PIP5K1B: variants seen among roughly 807,000 people sequenced by gnomAD.
The protein encoded by PIP5K1B is phosphatidylinositol 4-phosphate 5-kinase type-1 beta.
A neutral mutation model predicts 67.0 loss-of-function variants in PIP5K1B; 42 were observed. The ratio of observed to expected loss-of-function variants is 0.63; its 90% CI spans 0.49 to 0.81. PIP5K1B has a LOEUF of 0.81. Ranked by LOEUF, PIP5K1B falls within the 30% of genes least tolerant of loss-of-function variation. The pLI, the probability that PIP5K1B is intolerant of heterozygous loss-of-function variation, is 0.00. For missense variants in PIP5K1B, 459 were observed against 646.3 expected (o/e 0.71, Z 3.14); for synonymous variants, 214 against 231.4 (o/e 0.92, Z 0.68).
intron 14 of PIP5K1B, among the ~76,000 whole-genome samples, chr9:68,964,673 G>C (rs1828928482): frequency 6.6e-6 from 1 of 152,232 alleles, no homozygotes; most frequent in Non-Finnish European, 1.5e-5. Context: ...GTTTAATAAT[G>C]TGGTTAAAGA....
At chr9:68,745,597 C>T (rs1829255532) in intron 2 of PIP5K1B, among the ~76,000 whole-genome samples, 1 of 152,178 alleles carries the variant, frequency 6.6e-6, no homozygotes. Context: ...ATGTCCACTT[C>T]ACTCCAGCCT....
At chr9:68,795,843 C>T (rs1278624131) in intron 2 of PIP5K1B, among the ~76,000 whole-genome samples, 2 of 152,052 alleles carry the variant, frequency 1.3e-5, no homozygotes, top group African/African-American at 2.4e-5. Context: ...GTCAATCAAC[C>T]TTGTTCTATA....
chr9:68,819,983 A>T (rs542214862), intron 3 of PIP5K1B, among the ~76,000 whole-genome samples: 1 of 152,324 alleles, frequency 6.6e-6, no homozygotes, highest in South Asian at 2.1e-4. Flanking sequence ...GTCAGGGATG[A>T]TTCACAAAGT....
chr9:68,926,888 C>T (rs933327803), intron 12 of PIP5K1B, among the ~76,000 whole-genome samples: 8 of 152,058 alleles, frequency 5.3e-5, no homozygotes, highest in Non-Finnish European at 1.0e-4. Context: ...AATTTTAGAA[C>T]ATTTTCATTA....
chr9:68,788,906 A>T (rs544448165), intron 2 of PIP5K1B: 1 of 270,106 alleles, frequency 3.7e-6, no homozygotes, highest in East Asian at 9.7e-5. Flanking sequence ...GGAAATTTCC[A>T]TCAAGAGGGA....
chr9:68,816,106 G>A (rs1189944701), intron 2 of PIP5K1B, among the ~76,000 whole-genome samples: 1 of 152,092 alleles, frequency 6.6e-6, no homozygotes, highest in Non-Finnish European at 1.5e-5. Context: ...TGTCAGCTCA[G>A]TCAACACGAT....
intron 2 of PIP5K1B, among the ~76,000 whole-genome samples, chr9:68,799,417 AG>A (rs1832470697): frequency 6.6e-6 from 1 of 152,228 alleles, no homozygotes; most frequent in African/African-American, 2.4e-5. Flanking sequence ...GGAACCACAA[AG>A]GAGCCCAAAT....
At position 69,001,161 on chromosome 9, in the gene PIP5K1B, C is replaced by G. The variant is rs541819123; in HGVS notation, c.1621-7286C>G. On this transcript the variant is annotated intron_variant, in intron 15 of 15. Coordinates refer to ENST00000265382, the MANE Select transcript of PIP5K1B (RefSeq NM_003558.4). ...ACCTCAGGTGATCCACCTGCCTCGG[C>G]CTCCCCAAGTGCCAGGATTACAGGT... Among the ~76,000 whole-genome samples the G allele has an allele frequency of 2.6e-5, 4 of 152,010 alleles. No individual in the cohort carries two copies. The South Asian group carries it at 8.3e-4, about 32-fold the overall frequency.
chr9:68,893,835 A>G (rs1824943188), intron 7 of PIP5K1B, among the ~76,000 whole-genome samples: 1 of 152,188 alleles, frequency 6.6e-6, no homozygotes, highest in Admixed American at 6.5e-5. Flanking sequence ...ACAGGTTTCT[A>G]TTTTTCACTA....
chr9:68,799,866 A>G (rs1390321127), intron 2 of PIP5K1B, among the ~76,000 whole-genome samples: 1 of 152,230 alleles, frequency 6.6e-6, no homozygotes, highest in African/African-American at 2.4e-5. Context: ...ACAGGCAACA[A>G]GAGCAAAAGT....
chr9:68,912,252 C>G (rs1449262283), intron 8 of PIP5K1B, among the ~76,000 whole-genome samples: 1 of 152,058 alleles, frequency 6.6e-6, no homozygotes, highest in Non-Finnish European at 1.5e-5. Context: ...TTGTTTTATC[C>G]CTGAAGATCC....
At chr9:68,823,598 C>T (rs1183975390) in intron 4 of PIP5K1B, among the ~76,000 whole-genome samples, 3 of 152,200 alleles carry the variant, frequency 2.0e-5, no homozygotes, top group African/African-American at 7.2e-5. Flanking sequence ...CTCCCAGCTA[C>T]CAAGCTAATG....
chr9:68,719,165 A>G (rs1437630240), intron 1 of PIP5K1B, among the ~76,000 whole-genome samples: 1 of 152,128 alleles, frequency 6.6e-6, no homozygotes, highest in Non-Finnish European at 1.5e-5. Context: ...TGTGATAGGC[A>G]TGCTTTCTTT....
At chr9:68,838,618 G>T (rs1029479367) in intron 4 of PIP5K1B, among the ~76,000 whole-genome samples, 14 of 152,086 alleles carry the variant, frequency 9.2e-5, no homozygotes, top group Admixed American at 8.5e-4. Flanking sequence ...GAAGGGAGGG[G>T]AGCAAGGGTT....
intron 1 of PIP5K1B, among the ~76,000 whole-genome samples, chr9:68,727,381 A>T (rs1828204016): frequency 6.6e-6 from 1 of 152,198 alleles, no homozygotes; most frequent in Admixed American, 6.5e-5. Context: ...GTTTCCCTGA[A>T]AAAAGTAAAT....
At position 68,754,401 on chromosome 9, in the gene PIP5K1B, C is replaced by A. The variant is rs1587393042; in HGVS notation, c.-86+11744C>A. ...AGCCAGGATGGTCTCAATCTCCCGA[C>A]CTCGTGATTCACCCGCCTCAGCCTC... On this transcript the variant is annotated intron_variant, in intron 2 of 15. Transcript: ENST00000265382. Among the ~76,000 whole-genome samples, 3 of 151,080 alleles carry A rather than the reference C, an allele frequency of 2.0e-5. No homozygotes were observed. In the East Asian group the frequency reaches 5.9e-4, roughly 30 times the overall value.
chr9:68,917,560 T>G lies in PIP5K1B; in HGVS notation c.784T>G (p.Phe262Val). 1 of 1,613,842 alleles carries G rather than the reference T, an allele frequency of 6.2e-7. No homozygotes were observed. The highest frequency in any genetic ancestry group is 8.5e-7 in the Non-Finnish European group (1 of 1,179,702). Residue 262 changes from phenylalanine to valine, a missense_variant, in exon 9 of 16, where the codon TTC (phenylalanine) becomes GTC (valine). Coordinates refer to ENST00000265382, the MANE Select transcript of PIP5K1B (RefSeq NM_003558.4). ...TTTTCTCATTCAGGTGCTAGAAAGC[T>G]TCAAGATCATGGATTATAGCCTTCT... is the stretch of plus-strand genomic sequence containing the variant. ...LQRDCRVLESFKIMDYSLLLG... is the reference protein window; with the variant it reads ...LQRDCRVLESVKIMDYSLLLG...
rs777614127 is a variant in PIP5K1B, at chr9:68,746,120, C to T, written c.-86+3463C>T. Among the ~76,000 whole-genome samples the T allele has an allele frequency of 9.3e-4, 139 of 148,722 alleles. 1 individual carries two copies. Among genetic ancestry groups the T allele is most frequent in the Admixed American group, 2.7e-3 (40 of 14,996 alleles). ...TTGAGACATAGTCTTGCTCTGTCACCCAGGCTGGAGTGCAGTGGTGCGATC... is the reference window on the plus strand; with the variant it reads ...TTGAGACATAGTCTTGCTCTGTCACTCAGGCTGGAGTGCAGTGGTGCGATC... On this transcript the variant is annotated intron_variant, in intron 2 of 15. Transcript: ENST00000265382.
intron 2 of PIP5K1B, chr9:68,780,905 C>T: frequency 6.2e-7 from 1 of 1,614,216 alleles, no homozygotes; most frequent in Non-Finnish European, 8.5e-7. Context: ...TTGATGGAAA[C>T]AGCAGCAGTG....
Sources: gnomAD v4.1 joint callset for allele counts (sites outside exome capture counted in the v4.1 genomes callset) on GRCh38, gnomAD v4.1.1 for gene constraint, MANE v1.5 for transcripts, NCBI Gene and HGNC (gene_info 2026-07-23, HGNC 2026-07-21) for gene names.